Variants in KCNQ1 observed in about 807,000 individuals in gnomAD.
KCNQ1 encodes the protein potassium voltage-gated channel subfamily KQT member 1.
Under a neutral mutation model 72.4 loss-of-function variants are expected in KCNQ1, and 49 were observed. That is an observed-to-expected ratio of 0.68 (90% CI 0.54 to 0.86). The LOEUF is 0.86. Among genes scored for constraint, KCNQ1 ranks in the 40% least tolerant of loss-of-function variants. The pLI is 0.00. For synonymous variants in KCNQ1, 450 were observed against 412.6 expected, an observed-to-expected ratio of 1.09 and a Z score of -1.10; for missense variants, 790 against 945.1, an observed-to-expected ratio of 0.84 and a Z score of 2.15.
chr11:2,655,451 G>C (rs1849829083), intron 10 of KCNQ1: 2 of 398,574 alleles, frequency 5.0e-6, no homozygotes, highest in Non-Finnish European at 4.4e-6. Context: ...TCAGCAAAGG[G>C]CACCTGGCAT....
In KCNQ1 at chr11:2,601,141, T is replaced by G. The variant is rs1290372808; in HGVS notation, c.1393+12287T>G. Among the ~76,000 whole-genome samples, 1 of 151,824 alleles carries G rather than the reference T, an allele frequency of 6.6e-6. No homozygotes were observed. Among genetic ancestry groups the G allele is most frequent in the African/African-American group, 2.4e-5 (1 of 41,294 alleles). On this transcript the variant is annotated intron_variant, in intron 10 of 15. Transcript: ENST00000155840. The surrounding 1 kb of genome is among the most constrained non-coding windows in gnomAD (Gnocchi z 5.2). ...AATGCTTTTGGAAACCAGGCTTTAC[T>G]GTGGTAGTTGCAAAAATGATCATTT...
chr11:2,589,867 A>C (rs551716051), intron 10 of KCNQ1, among the ~76,000 whole-genome samples: 1 of 152,290 alleles, frequency 6.6e-6, no homozygotes, highest in Admixed American at 6.5e-5. Context: ...TCTCGGGACC[A>C]GTTTTGAGAC....
In KCNQ1 at chr11:2,621,190, A is replaced by C. The variant is rs1589986524; in HGVS notation, c.1393+32336A>C. ...ACGGGGTTTCACCATGTTGGCCAGGATGGTCTCGAATACCTGACCCCAGAT... is the reference window on the plus strand; with the variant it reads ...ACGGGGTTTCACCATGTTGGCCAGGCTGGTCTCGAATACCTGACCCCAGAT... On this transcript the variant is annotated intron_variant, in intron 10 of 15. Transcript: ENST00000155840. The surrounding 1 kb of genome is among the most constrained non-coding windows in gnomAD (Gnocchi z 5.7). The C allele has an allele frequency of 2.5e-6, 1 of 397,068 alleles. No individual in the cohort carries two copies. Among genetic ancestry groups the C allele is most frequent in the Non-Finnish European group, 4.4e-6 (1 of 225,766 alleles). 24.6% of individuals were successfully genotyped at this position (397,068 alleles called of 1,614,324 possible).
Position 2,798,961 on chromosome 11 carries a change from G to A in KCNQ1, c.1794+20924G>A, listed in dbSNP as rs137905818. Among the ~76,000 whole-genome samples, 1,021 of 152,270 alleles carry A rather than the reference G, an allele frequency of 6.7e-3. 17 individuals are homozygous for A. The highest frequency in any genetic ancestry group is 0.023 in the African/African-American group (952 of 41,546). The stretch of plus-strand genomic sequence containing the variant: ...AGAGGAAGGAGAGCAGAGGGTACCC[G>A]CGTGAAGGGTACCCACGAGGAAGGG... On this transcript the variant is annotated intron_variant, in intron 15 of 15. Transcript: ENST00000155840.
rs1218352002 is a variant in KCNQ1, at chr11:2,651,967, A to G, written c.1394-9994A>G. The G allele has an allele frequency of 7.5e-6, 3 of 398,594 alleles. No homozygotes were observed. The highest frequency in any genetic ancestry group is 1.3e-5 in the Non-Finnish European group (3 of 226,148). The allele number at this position is 398,594 out of a possible 1,614,324, so 24.7% of individuals were successfully genotyped here. A position where few individuals can be genotyped will look rare whatever the true frequency, so the allele number is the denominator to read the frequency against. ...GCAGCCAGCAGCAGTGGGGGAGCCA[A>G]GCTGAGTTGATTACTTTTGACATCA... is the stretch of plus-strand genomic sequence containing the variant. On this transcript the variant is annotated intron_variant, in intron 10 of 15. Transcript: ENST00000155840. This position sits in a 1 kb window ranked among gnomAD's most constrained non-coding sequence, Gnocchi z 6.1.
Position 2,570,699 on chromosome 11 carries a change from G to A in KCNQ1, c.549G>A (p.Lys183=). The A allele has an allele frequency of 6.2e-7, 1 of 1,612,700 alleles. No homozygotes were observed. The highest frequency in any genetic ancestry group is 1.1e-5 in the South Asian group (1 of 91,086). Residue 183 remains lysine, a synonymous_variant, in exon 3 of 16, where the codon AAG becomes AAA. Transcript: ENST00000155840. ...VRLWSAGCRS[K]YVGLWGRLRF... Reference sequence around the variant, plus strand: ...TCTGGTCCGCCGGCTGCCGCAGCAAGTACGTGGGCCTCTGGGGGCGGCTGC... The same window carrying A: ...TCTGGTCCGCCGGCTGCCGCAGCAAATACGTGGGCCTCTGGGGGCGGCTGC...
chr11:2,591,574 G>C lies in KCNQ1; in HGVS notation c.1393+2720G>C, dbSNP rs531948344. Among the ~76,000 whole-genome samples the C allele has an allele frequency of 2.0e-5, 3 of 152,372 alleles. No individual in the cohort carries two copies. In the South Asian group the frequency reaches 6.2e-4, roughly 32 times the overall value. On this transcript the variant is annotated intron_variant, in intron 10 of 15. Coordinates refer to ENST00000155840, the MANE Select transcript of KCNQ1 (RefSeq NM_000218.3). ...AACGGGCAGGTGGGCGTGGCCGGGGGCTGGGGACCCAGCCTGTGTGCGGCC... is the reference window on the plus strand; with the variant it reads ...AACGGGCAGGTGGGCGTGGCCGGGGCCTGGGGACCCAGCCTGTGTGCGGCC...
chr11:2,490,874 TTTGTTTG>T (rs1846826132), intron 1 of KCNQ1, among the ~76,000 whole-genome samples: 4 of 152,120 alleles, frequency 2.6e-5, no homozygotes, highest in Non-Finnish European at 1.5e-5. Context: ...TGTTTGTTTG[TTTGTTTG>T]TTTTAGTAGA....
intron 15 of KCNQ1, among the ~76,000 whole-genome samples, chr11:2,780,940 C>T (rs556601371): frequency 6.6e-6 from 1 of 152,294 alleles, no homozygotes; most frequent in South Asian, 2.1e-4. Flanking sequence ...GTCCCCATTC[C>T]AGGGATCCCT....
At position 2,698,027 on chromosome 11, in the gene KCNQ1, C is replaced by A. The variant is rs1315387837; in HGVS notation, c.1514+35946C>A. The A allele has an allele frequency of 2.5e-6, 1 of 398,524 alleles. No individual in the cohort carries two copies. The highest frequency in any genetic ancestry group is 4.4e-6 in the Non-Finnish European group (1 of 226,074). 24.7% of individuals were successfully genotyped at this position (398,524 alleles called of 1,614,324 possible). A position where few individuals can be genotyped will look rare whatever the true frequency, so the allele number is the denominator to read the frequency against. On this transcript the variant is annotated intron_variant, in intron 11 of 15. Transcript: ENST00000155840. The surrounding 1 kb of genome is among the most constrained non-coding windows in gnomAD (Gnocchi z 5.1). ...CTGGAAAACAGGTGCAGAAATGGAT[C>A]ATTTGAGACACCATAGAAATCTGGT...
rs955674563 is a variant in KCNQ1 at position 2,473,553 on chromosome 11, G to A, written c.386+28069G>A. On this transcript the variant is annotated intron_variant, in intron 1 of 15. Coordinates refer to ENST00000155840, the MANE Select transcript of KCNQ1 (RefSeq NM_000218.3). This position sits in a 1 kb window ranked among gnomAD's most constrained non-coding sequence, Gnocchi z 6.0. Reference sequence around the variant, plus strand: ...GTTGAGTCCCCTGCCGTGGGACAGCGCTCAGCATGGCACAGACGCTCAGCC... The same window carrying A: ...GTTGAGTCCCCTGCCGTGGGACAGCACTCAGCATGGCACAGACGCTCAGCC... Among the ~76,000 whole-genome samples the A allele has an allele frequency of 2.0e-5, 3 of 152,212 alleles. No individual in the cohort carries two copies. The highest frequency in any genetic ancestry group is 2.9e-5 in the Non-Finnish European group (2 of 68,036).
intron 2 of KCNQ1, among the ~76,000 whole-genome samples, chr11:2,556,494 A>G (rs747560456): frequency 6.6e-6 from 1 of 152,152 alleles, no homozygotes; most frequent in Non-Finnish European, 1.5e-5. Flanking sequence ...GCTTGTGAAC[A>G]TCTCATCTCT....
At position 2,463,392 on chromosome 11, in the gene KCNQ1, C is replaced by T. The variant is rs563428816; in HGVS notation, c.386+17908C>T. ...CGGCGGCTGCTCAAGGAGCCTGGTA[C>T]AGCTGCACGGAGGCGCAGCACCCAC... On this transcript the variant is annotated intron_variant, in intron 1 of 15. Coordinates refer to ENST00000155840, the MANE Select transcript of KCNQ1 (RefSeq NM_000218.3). This position sits in a 1 kb window ranked among gnomAD's most constrained non-coding sequence, Gnocchi z 7.0. Among the ~76,000 whole-genome samples the T allele has an allele frequency of 1.5e-4, 23 of 152,204 alleles. No individual in the cohort carries two copies. Among genetic ancestry groups the T allele is most frequent in the Non-Finnish European group, 2.9e-4 (20 of 68,026 alleles).
At chr11:2,587,880 C>T (rs1035442965) in intron 9 of KCNQ1, among the ~76,000 whole-genome samples, 188 bp downstream of exon 9, 1 of 152,160 alleles carries the variant, frequency 6.6e-6, no homozygotes, top group Non-Finnish European at 1.5e-5. Context: ...CAATGTCCCC[C>T]GACTTGGGGG....
chr11:2,768,352 T>C lies in KCNQ1; in HGVS notation c.1515-492T>C, dbSNP rs1283330472. On this transcript the variant is annotated intron_variant, in intron 11 of 15. Transcript: ENST00000155840. The surrounding 1 kb of genome is among the most constrained non-coding windows in gnomAD (Gnocchi z 6.7). Reference sequence around the variant, plus strand: ...TTAACAGAGTGGCTCTGGTGGCAACTTTCCCTTGTTAATTTGTCCTGTAGC... The same window carrying C: ...TTAACAGAGTGGCTCTGGTGGCAACCTTCCCTTGTTAATTTGTCCTGTAGC... Among the ~76,000 whole-genome samples, 1 of 152,210 alleles carries C rather than the reference T, an allele frequency of 6.6e-6. No homozygotes were observed. The highest frequency in any genetic ancestry group is 1.5e-5 in the Non-Finnish European group (1 of 68,024).
intron 15 of KCNQ1, among the ~76,000 whole-genome samples, chr11:2,825,616 G>A (rs1455809010): frequency 6.6e-6 from 1 of 152,216 alleles, no homozygotes; most frequent in Non-Finnish European, 1.5e-5. Context: ...TAGACTCTGG[G>A]AACACAGGGG....
chr11:2,722,964 T>C (rs902540556), intron 11 of KCNQ1, among the ~76,000 whole-genome samples: 111 of 152,214 alleles, frequency 7.3e-4, no homozygotes, highest in African/African-American at 2.6e-3. Context: ...CTTTGGGCAC[T>C]GCAGCTGCCA....
intron 2 of KCNQ1, among the ~76,000 whole-genome samples, chr11:2,568,183 G>A (rs1337726250): frequency 6.6e-6 from 1 of 152,172 alleles, no homozygotes; most frequent in African/African-American, 2.4e-5. Context: ...TGAGGCAGGA[G>A]AATTGCTTGA....
intron 10 of KCNQ1, among the ~76,000 whole-genome samples, chr11:2,604,830 A>G (rs1848857563): frequency 1.3e-5 from 2 of 152,190 alleles, no homozygotes; most frequent in South Asian, 4.1e-4. Flanking sequence ...GGTGTGAGCC[A>G]CAGCACCTGG....
Sources: allele counts gnomAD v4.1 joint callset (sites outside exome capture counted in the v4.1 genomes callset), GRCh38; gene constraint gnomAD v4.1.1; non-coding constraint Gnocchi (gnomAD v3.1); transcripts MANE v1.5; gene names NCBI Gene and HGNC (gene_info 2026-07-23, HGNC 2026-07-21).